TMEM39A: variants seen among roughly 807,000 people sequenced by gnomAD.
TMEM39A encodes the protein suppressor of SQST-1 aggregates in rpl-43 mutants.
TMEM39A carries 19 observed loss-of-function variants against 51.9 expected under a neutral mutation model. That is an observed-to-expected ratio of 0.37 (90% confidence interval 0.26 to 0.54). The LOEUF is 0.54. TMEM39A is among the 20% of genes least tolerant of loss of function. The pLI is 0.88. For synonymous variants in TMEM39A, 197 were observed against 220.2 expected (o/e 0.89, Z 0.93); for missense variants, 433 against 590.5 (o/e 0.73, Z 2.76).
intron 4 of TMEM39A, among the ~76,000 whole-genome samples, chr3:119,450,662 AAACAC>A (rs1451326159): frequency 6.6e-6 from 1 of 151,888 alleles, no homozygotes; most frequent in Admixed American, 6.6e-5. Flanking sequence ...TCTCTACTAA[AAACAC>A]AAAAATTAGC....
chr3:119,454,251 C>T (rs2081236702), intron 3 of TMEM39A, among the ~76,000 whole-genome samples: 1 of 152,114 alleles, frequency 6.6e-6, no homozygotes, highest in South Asian at 2.1e-4. Context: ...AATTAAGTGG[C>T]CAAATTTAGT....
In TMEM39A at chr3:119,462,076, T is replaced by C; in HGVS notation, c.-2A>G. 1 of 1,613,738 alleles carries C rather than the reference T, an allele frequency of 6.2e-7. No individual in the cohort carries two copies. The highest frequency in any genetic ancestry group is 8.5e-7 in the Non-Finnish European group (1 of 1,179,806). ...AGGGCCCCTCCTTCCACCGGGCATG[T>C]CCAGGAACCAGTCTGCTTCCAGTGC... On this transcript the variant is annotated 5_prime_UTR_variant, in exon 2 of 9. Coordinates refer to ENST00000319172, the MANE Select transcript of TMEM39A (RefSeq NM_018266.3).
intron 5 of TMEM39A, among the ~76,000 whole-genome samples, chr3:119,440,808 C>T (rs900986128): frequency 6.6e-6 from 1 of 152,128 alleles, no homozygotes; most frequent in Admixed American, 6.5e-5. Context: ...TTGCATTTCA[C>T]TTCATTGTGC....
chr3:119,437,751 T>C lies in TMEM39A; in HGVS notation c.924+4A>G. On this transcript the variant is annotated splice_donor_region_variant and intron_variant, in intron 6 of 8. Transcript: ENST00000319172. ...AAGCACATAAAAGTAAGATAACCAC[T>C]TACCTTCACAAAACACAGGGGGAGA... 1 of 1,530,318 alleles carries C rather than the reference T, an allele frequency of 6.5e-7. No individual in the cohort carries two copies. The highest frequency in any genetic ancestry group is 8.8e-7 in the Non-Finnish European group (1 of 1,133,902). The allele number at this position is 1,530,318 out of a possible 1,614,324, so 94.8% of individuals were successfully genotyped here.
intron 8 of TMEM39A, among the ~76,000 whole-genome samples, chr3:119,432,657 T>TA (rs1404072916): frequency 3.9e-5 from 6 of 152,138 alleles, no homozygotes; most frequent in Non-Finnish European, 7.4e-5. Flanking sequence ...TTTAAAAATG[T>TA]AAAAAACATT....
chr3:119,454,985 C>T (rs1447617018), intron 3 of TMEM39A, among the ~76,000 whole-genome samples: 1 of 152,130 alleles, frequency 6.6e-6, no homozygotes, highest in Non-Finnish European at 1.5e-5. Context: ...AGGGTTAAGA[C>T]TCATTCAGTT....
At chr3:119,448,829 G>T (rs939640039) in intron 4 of TMEM39A, among the ~76,000 whole-genome samples, 30 of 152,196 alleles carry the variant, frequency 2.0e-4, no homozygotes, top group Admixed American at 3.3e-4. Context: ...GCTTGGATTT[G>T]TTAATTTTGC....
intron 3 of TMEM39A, 73 bp downstream of exon 3, chr3:119,457,945 T>C (rs2107689635): frequency 8.7e-7 from 1 of 1,147,756 alleles, no homozygotes; most frequent in East Asian, 2.4e-5. Context: ...GAAAAACAAT[T>C]TCTACAGAAA....
At chr3:119,451,324 T>A (rs1221024325) in intron 4 of TMEM39A, 10 of 1,284,494 alleles carry the variant, frequency 7.8e-6, no homozygotes, top group Middle Eastern at 2.1e-4. Flanking sequence ...AGACCTTCCA[T>A]GTATGTTTTG....
rs1311720279 is a variant in TMEM39A, at chr3:119,437,006, G to A, written c.925-28C>T. On this transcript the variant is annotated intron_variant, in intron 6 of 8. Coordinates refer to ENST00000319172, the MANE Select transcript of TMEM39A (RefSeq NM_018266.3). ...GGAAGAGATCAGAAGAGAGAGAAAT[G>A]ATCCATGCACTGGTAAAAAGAGGCA... 10 of 1,596,064 alleles carry A rather than the reference G, an allele frequency of 6.3e-6. No homozygotes were observed. The Admixed American group carries it at 8.4e-5, about 13-fold the overall frequency.
chr3:119,437,256 G>A (rs1042265407), intron 6 of TMEM39A, among the ~76,000 whole-genome samples: 1 of 152,140 alleles, frequency 6.6e-6, no homozygotes, highest in African/African-American at 2.4e-5. Flanking sequence ...CATTCCAGCT[G>A]CAGAAGTACT....
chr3:119,443,609 A>G (rs2081084250), intron 5 of TMEM39A, among the ~76,000 whole-genome samples: 1 of 152,176 alleles, frequency 6.6e-6, no homozygotes, highest in South Asian at 2.1e-4. Context: ...GCTATTATGT[A>G]CTTAATAGAA....
chr3:119,458,472 A>C (rs1378755513), intron 2 of TMEM39A, among the ~76,000 whole-genome samples: 1 of 152,200 alleles, frequency 6.6e-6, no homozygotes, highest in Admixed American at 6.5e-5. Flanking sequence ...CATAGAGCTC[A>C]CTGCTAAATT....
chr3:119,433,234 C>G (rs1489190275), intron 8 of TMEM39A, among the ~76,000 whole-genome samples: 1 of 152,108 alleles, frequency 6.6e-6, no homozygotes, highest in Non-Finnish European at 1.5e-5. Context: ...AATGTTTAAC[C>G]TGGAGTTTGA....
rs2081365564 is a variant in TMEM39A, at chr3:119,463,357, T to C, written c.-96A>G. ...TCACGCATGGAAGAGTCCCAGCCGG[T>C]GGGGCGGGGTCCCTAGAAAGCGGCG... On this transcript the variant is annotated 5_prime_UTR_variant, in exon 1 of 9. Transcript: ENST00000319172. 1 of 380,396 alleles carries C rather than the reference T, an allele frequency of 2.6e-6. No individual in the cohort carries two copies. Among genetic ancestry groups the C allele is most frequent in the Non-Finnish European group, 4.6e-6 (1 of 215,270 alleles). The allele number at this position is 380,396 out of a possible 1,614,324, so 23.6% of individuals were successfully genotyped here.
intron 2 of TMEM39A, among the ~76,000 whole-genome samples, chr3:119,461,017 G>A (rs1457320025): frequency 6.6e-6 from 1 of 152,042 alleles, no homozygotes; most frequent in African/African-American, 2.4e-5. Flanking sequence ...TAAAGTTACT[G>A]CAATTTACTA....
At chr3:119,458,420 G>A (rs2081294565) in intron 2 of TMEM39A, among the ~76,000 whole-genome samples, 180 bp from the exon 3 acceptor site, 1 of 152,066 alleles carries the variant, frequency 6.6e-6, no homozygotes, top group Non-Finnish European at 1.5e-5. Flanking sequence ...TGCAGCTATG[G>A]CCTCCATTAT....
intron 5 of TMEM39A, among the ~76,000 whole-genome samples, chr3:119,443,446 G>A (rs2081082305): frequency 6.6e-6 from 1 of 152,092 alleles, no homozygotes; most frequent in Non-Finnish European, 1.5e-5. Flanking sequence ...CCAACCTTCA[G>A]CAACCACCAC....
chr3:119,458,632 C>T (rs1162005910), intron 2 of TMEM39A, among the ~76,000 whole-genome samples: 2 of 152,196 alleles, frequency 1.3e-5, no homozygotes, highest in African/African-American at 4.8e-5. Context: ...TGGTGGCTCA[C>T]ACCTGTAATC....
Sources: allele counts gnomAD v4.1 joint callset (sites outside exome capture counted in the v4.1 genomes callset), GRCh38; gene constraint gnomAD v4.1.1; transcripts MANE v1.5; gene names NCBI Gene and HGNC (gene_info 2026-07-23, HGNC 2026-07-21).